GLT1D1: variants seen among roughly 807,000 people sequenced by gnomAD.
GLT1D1 encodes the protein glycosyltransferase 1 domain-containing protein 1.
In GLT1D1, 21 loss-of-function variants were observed where a neutral mutation model predicts 28.7. That is an observed-to-expected ratio of 0.73 (90% CI 0.52 to 1.05). The LOEUF is 1.05. GLT1D1 is among the 50% of genes least tolerant of loss of function. The pLI is 0.00. For missense variants in GLT1D1, 343 were observed against 330.6 expected (o/e 1.04, Z -0.29); for synonymous variants, 147 against 124.8 (o/e 1.18, Z -1.19).
chr12:128,879,329 T>G (rs1422829980), intron 2 of GLT1D1, among the ~76,000 whole-genome samples: 1 of 152,010 alleles, frequency 6.6e-6, no homozygotes, highest in African/African-American at 2.4e-5. Context: ...CCCCAACAAG[T>G]TGTCAAGTTG....
At chr12:128,856,191 G>A (rs1956218586) in intron 1 of GLT1D1, among the ~76,000 whole-genome samples, 1 of 152,220 alleles carries the variant, frequency 6.6e-6, no homozygotes, top group Non-Finnish European at 1.5e-5. Flanking sequence ...GCCGATGGGA[G>A]TGTAGCAGTG....
chr12:128,978,053 G>GCAAA (rs1369583867), intron 7 of GLT1D1, among the ~76,000 whole-genome samples: 4 of 151,852 alleles, frequency 2.6e-5, no homozygotes, highest in African/African-American at 9.7e-5. Flanking sequence ...CCAAAATGCT[G>GCAAA]GGTTTACAGG....
In GLT1D1 at chr12:128,984,911, A is replaced by G. The variant is rs1261890510; in HGVS notation, c.*1821A>G. The stretch of plus-strand genomic sequence containing the variant: ...AAAATGTGCACATGCCTCACGCACT[A>G]TGTGGGAAGGGCGTGTTTTTAAATT... On this transcript the variant is annotated 3_prime_UTR_variant, in exon 8 of 8. Coordinates refer to ENST00000281703, the MANE Select transcript of GLT1D1 (RefSeq NM_144669.3). 3.3e-5 allele frequency: 5 copies of G among 152,222 alleles called. No individual in the cohort carries two copies. Among genetic ancestry groups the G allele is most frequent in the East Asian group, 1.9e-4 (1 of 5,202 alleles). The allele number at this position is 152,222 out of a possible 1,614,324, so 9.4% of individuals were successfully genotyped here.
At chr12:128,899,992 T>C (rs1290590282) in intron 4 of GLT1D1, among the ~76,000 whole-genome samples, 1 of 152,198 alleles carries the variant, frequency 6.6e-6, no homozygotes, top group Non-Finnish European at 1.5e-5. Context: ...AGAAGAGCTT[T>C]AAACAGTCAA....
At chr12:128,961,870 T>C (rs981191954) in intron 7 of GLT1D1, among the ~76,000 whole-genome samples, 2 of 152,120 alleles carry the variant, frequency 1.3e-5, no homozygotes, top group Admixed American at 1.3e-4. Flanking sequence ...TCGTAAAGAC[T>C]AAACCAACAA....
At chr12:128,925,347 A>G (rs187035719) in intron 4 of GLT1D1, among the ~76,000 whole-genome samples, 1 of 152,176 alleles carries the variant, frequency 6.6e-6, no homozygotes, top group East Asian at 1.9e-4. Context: ...TGCGACCCCA[A>G]CCCTCCGACA....
chr12:128,906,547 C>T (rs1351937838), intron 4 of GLT1D1, among the ~76,000 whole-genome samples: 1 of 152,128 alleles, frequency 6.6e-6, no homozygotes, highest in Admixed American at 6.5e-5. Flanking sequence ...ATTATCTAAA[C>T]TCAAATATTT....
chr12:128,939,754 G>C (rs1874938856), intron 4 of GLT1D1, among the ~76,000 whole-genome samples: 1 of 151,830 alleles, frequency 6.6e-6, no homozygotes, highest in African/African-American at 2.4e-5. Flanking sequence ...CGAGGCTGGA[G>C]GTGCCACACA....
At position 128,973,915 on chromosome 12, in the gene GLT1D1, AGG is replaced by A. The variant is rs1375461236; in HGVS notation, c.640-9010_640-9009del. ...GGGTGTGTGTGTAGGGGGTGTGTGTAGGGGGTGTGTGTGTGTGTGTAGGGTGT... is the reference window on the plus strand; with the variant it reads ...GGGTGTGTGTGTAGGGGGTGTGTGTAGGGTGTGTGTGTGTGTGTAGGGTGT... On this transcript the variant is annotated intron_variant, in intron 7 of 7. Coordinates refer to ENST00000281703, the MANE Select transcript of GLT1D1 (RefSeq NM_144669.3). Among the ~76,000 whole-genome samples, 2 of 28,280 alleles carry A rather than the reference AGG, an allele frequency of 7.1e-5. 1 individual carries two copies. Among genetic ancestry groups the A allele is most frequent in the African/African-American group, 2.1e-4 (2 of 9,524 alleles). The allele number at this position is 28,280 out of a possible 152,430, so 18.6% of individuals were successfully genotyped here.
chr12:128,891,604 T>C (rs1869066262), intron 3 of GLT1D1, among the ~76,000 whole-genome samples: 1 of 152,150 alleles, frequency 6.6e-6, no homozygotes, highest in South Asian at 2.1e-4. Context: ...ACTTCAAGTC[T>C]TTATGTAGCT....
chr12:128,917,488 G>A (rs1872218306), intron 4 of GLT1D1, among the ~76,000 whole-genome samples: 1 of 152,034 alleles, frequency 6.6e-6, no homozygotes, highest in Non-Finnish European at 1.5e-5. Flanking sequence ...ATGTTGGCCA[G>A]GCTGGTCTTC....
chr12:128,964,067 G>A (rs1180789587), intron 7 of GLT1D1, among the ~76,000 whole-genome samples: 5 of 152,302 alleles, frequency 3.3e-5, no homozygotes, highest in South Asian at 2.1e-4. Context: ...TGGAAGGGCC[G>A]AGACAGCTCT....
At chr12:128,891,776 A>G (rs1869086711) in intron 3 of GLT1D1, among the ~76,000 whole-genome samples, 1 of 152,126 alleles carries the variant, frequency 6.6e-6, no homozygotes, top group African/African-American at 2.4e-5. Context: ...CCCCGATCGT[A>G]TGTTGTGGCA....
chr12:128,983,144 TC>T lies in GLT1D1; in HGVS notation c.*55del. ...CTGACACACAGCTCTGGGTGCACACTCAGAGACAGAGTTCTGGATCACGTGG... is the reference window on the plus strand; with the variant it reads ...CTGACACACAGCTCTGGGTGCACACTAGAGACAGAGTTCTGGATCACGTGG... On this transcript the variant is annotated 3_prime_UTR_variant, in exon 8 of 8. Transcript: ENST00000281703. This position sits in a 1 kb window ranked among gnomAD's most constrained non-coding sequence, Gnocchi z 4.7. 2 of 1,508,138 alleles carry T rather than the reference TC, an allele frequency of 1.3e-6. No individual in the cohort carries two copies. The highest frequency in any genetic ancestry group is 1.8e-6 in the Non-Finnish European group (2 of 1,090,370). 93.4% of individuals were successfully genotyped at this position (1,508,138 alleles called of 1,614,324 possible). A position where few individuals can be genotyped will look rare whatever the true frequency, so the allele number is the denominator to read the frequency against.
intron 7 of GLT1D1, among the ~76,000 whole-genome samples, chr12:128,960,232 G>A (rs1027900143): frequency 6.6e-5 from 10 of 152,158 alleles, no homozygotes; most frequent in Middle Eastern, 3.2e-3. Flanking sequence ...GGGAGGCTGC[G>A]ATTCTTAACA....
intron 3 of GLT1D1, 89 bp from the exon 4 acceptor site, chr12:128,899,147 C>T: frequency 1.1e-6 from 1 of 915,460 alleles, no homozygotes; most frequent in Non-Finnish European, 1.8e-6. Flanking sequence ...CTCACGTTGT[C>T]TCTCATAATT....
intron 3 of GLT1D1, among the ~76,000 whole-genome samples, chr12:128,890,721 A>G (rs1408429944): frequency 6.6e-6 from 1 of 150,548 alleles, no homozygotes; most frequent in East Asian, 2.0e-4. Flanking sequence ...GGAGGTGGCC[A>G]GGTGCGGTGG....
At chr12:128,866,945 G>A (rs1300389081) in intron 1 of GLT1D1, among the ~76,000 whole-genome samples, 1 of 151,850 alleles carries the variant, frequency 6.6e-6, no homozygotes, top group African/African-American at 2.4e-5. Context: ...TCTTTAGCGG[G>A]AACTCCCCTG....
chr12:128,857,378 C>T lies in GLT1D1; in HGVS notation c.68+3729C>T, dbSNP rs570801101. ...TTCGTTCTTTCTTTTCCTGGCTGTG[C>T]AGAAGCAGAATAAAGGCTGCTATTC... is the stretch of plus-strand genomic sequence containing the variant. On this transcript the variant is annotated intron_variant, in intron 1 of 7. Coordinates refer to ENST00000281703, the MANE Select transcript of GLT1D1 (RefSeq NM_144669.3). Among the ~76,000 whole-genome samples the T allele has an allele frequency of 2.0e-5, 3 of 152,282 alleles. No homozygotes were observed. The South Asian group carries it at 6.2e-4, about 32-fold the overall frequency.
Sources: allele counts gnomAD v4.1 joint callset (sites outside exome capture counted in the v4.1 genomes callset), GRCh38; gene constraint gnomAD v4.1.1; non-coding constraint Gnocchi (gnomAD v3.1); transcripts MANE v1.5; gene names NCBI Gene and HGNC (gene_info 2026-07-23, HGNC 2026-07-21).